The following PLXNC1 variants were observed in gnomAD, a reference collection of about 807,000 sequenced individuals.
PLXNC1 encodes the protein plexin-C1.
A neutral mutation model predicts 178.2 loss-of-function variants in PLXNC1; 75 were observed. The ratio of observed to expected loss-of-function variants is 0.42; its 90% CI spans 0.35 to 0.51. PLXNC1 has a LOEUF of 0.51. PLXNC1 is among the 20% of genes least tolerant of loss of function. PLXNC1 has a pLI of 0.02. For missense variants in PLXNC1, 1,503 were observed against 1,984.4 expected (o/e 0.76, Z 4.61); for synonymous variants, 790 against 779.9 (o/e 1.01, Z -0.22).
At chr12:94,300,120 G>C (rs1031571307) in intron 27 of PLXNC1, among the ~76,000 whole-genome samples, 9 of 152,206 alleles carry the variant, frequency 5.9e-5, no homozygotes, top group African/African-American at 2.2e-4. Flanking sequence ...GTTAGTTGCT[G>C]GAGATATAGT....
chr12:94,218,316 G>A (rs1324422805), intron 5 of PLXNC1, among the ~76,000 whole-genome samples: 1 of 152,140 alleles, frequency 6.6e-6, no homozygotes, highest in African/African-American at 2.4e-5. Flanking sequence ...GAAGATAGGG[G>A]TGACCTCCGG....
intron 20 of PLXNC1, chr12:94,262,409 ACT>A (rs747766969): frequency 5.0e-6 from 4 of 807,594 alleles, no homozygotes; most frequent in Non-Finnish European, 6.0e-6. Flanking sequence ...GTGATTCTTA[ACT>A]CTGAGCTTTC....
At chr12:94,196,399 C>T (rs1182841806) in intron 4 of PLXNC1, among the ~76,000 whole-genome samples, 5 of 152,152 alleles carry the variant, frequency 3.3e-5, no homozygotes, top group Non-Finnish European at 5.9e-5. Context: ...TGCCCCCTCA[C>T]AGTCTTGCTC....
intron 4 of PLXNC1, among the ~76,000 whole-genome samples, chr12:94,190,840 G>A (rs1837696613): frequency 6.6e-6 from 1 of 152,228 alleles, no homozygotes; most frequent in Admixed American, 6.5e-5. Context: ...CTTTGCATGT[G>A]CTGTTTCCTC....
At position 94,149,976 on chromosome 12, in the gene PLXNC1, G is replaced by A. The variant is rs1960891200; in HGVS notation, c.1005G>A (p.Glu335=). The stretch of plus-strand genomic sequence containing the variant: ...CGCTCTGCCTCTTCAGAATGAGTGA[G>A]ATCCAGGCGCGCGCCAAGAGGGTCA... The part of the protein sequence containing the change: ...TTALCLFRMS[E]IQARAKRVSW... The change falls in exon 1 of 31, where the codon GAG becomes GAA. Residue 335 remains glutamate (E), a synonymous_variant. Transcript: ENST00000258526. 6.3e-7 allele frequency: 1 copy of A among 1,595,160 alleles called. No individual in the cohort carries two copies. The highest frequency in any genetic ancestry group is 1.7e-5 in the Admixed American group (1 of 57,662).
chr12:94,211,306 T>TG (rs1287896398), intron 5 of PLXNC1, among the ~76,000 whole-genome samples: 2 of 152,192 alleles, frequency 1.3e-5, no homozygotes, highest in African/African-American at 4.8e-5. Context: ...TCAAAGAAGA[T>TG]AAGAAGTTCG....
intron 4 of PLXNC1, among the ~76,000 whole-genome samples, chr12:94,202,214 G>T (rs1310338640): frequency 6.6e-6 from 1 of 152,164 alleles, no homozygotes; most frequent in Non-Finnish European, 1.5e-5. Flanking sequence ...TATTTTAAAT[G>T]ATTGTCTGTT....
intron 23 of PLXNC1, among the ~76,000 whole-genome samples, chr12:94,284,262 A>G (rs189336309): frequency 3.2e-4 from 48 of 152,270 alleles, no homozygotes; most frequent in African/African-American, 9.9e-4. Flanking sequence ...TGTTAGTCCT[A>G]TGAAGGCAAT....
chr12:94,207,327 T>G (rs573867109), intron 4 of PLXNC1, among the ~76,000 whole-genome samples: 1 of 152,154 alleles, frequency 6.6e-6, no homozygotes, highest in Non-Finnish European at 1.5e-5. Flanking sequence ...AAAGGTTCAT[T>G]TTATACTTTC....
intron 4 of PLXNC1, among the ~76,000 whole-genome samples, chr12:94,196,157 C>CTAGT (rs1962905772): frequency 6.6e-6 from 1 of 152,190 alleles, no homozygotes; most frequent in Non-Finnish European, 1.5e-5. Flanking sequence ...GTTCTGTCAT[C>CTAGT]ATGAGAGGTG....
intron 21 of PLXNC1, among the ~76,000 whole-genome samples, chr12:94,277,359 AC>A: frequency 6.6e-6 from 1 of 152,090 alleles, no homozygotes; most frequent in Admixed American, 6.6e-5. Flanking sequence ...AGTTAGGGGG[AC>A]ATCAATATTC....
intron 3 of PLXNC1, 89 bp from the exon 4 acceptor site, chr12:94,186,284 C>T: frequency 1.1e-6 from 1 of 872,872 alleles, no homozygotes; most frequent in Non-Finnish European, 1.9e-6. Flanking sequence ...GATAAATAGG[C>T]TCTTTTTGGC....
At chr12:94,262,944 G>T (rs1259725166) in intron 20 of PLXNC1, among the ~76,000 whole-genome samples, 2 of 152,192 alleles carry the variant, frequency 1.3e-5, no homozygotes, top group African/African-American at 4.8e-5. Context: ...ACACAGAAGA[G>T]CTGTGACTCT....
At chr12:94,179,168 A>G (rs1226790902) in intron 2 of PLXNC1, among the ~76,000 whole-genome samples, 1 of 152,218 alleles carries the variant, frequency 6.6e-6, no homozygotes, top group Non-Finnish European at 1.5e-5. Flanking sequence ...TAAACAGCAA[A>G]TCCCTAACTG....
rs536958341 is a variant in PLXNC1 at position 94,169,211 on chromosome 12, C to T, written c.1121C>T (p.Ser374Phe). 77 of 1,613,648 alleles carry T rather than the reference C, an allele frequency of 4.8e-5. No homozygotes were observed. The highest frequency in any genetic ancestry group is 1.6e-4 in the Middle Eastern group (1 of 6,084). ...ATCGCATCATCTACCTTGATCCATT[C>T]CGACCTGACATCCGTTTATGGCACC... The part of the protein sequence containing the change: ...QPIASSTLIH[S>F]DLTSVYGTVV... The change falls in exon 2 of 31, where the codon TCC becomes TTC. Residue 374 changes from serine to phenylalanine, a missense_variant. Coordinates refer to ENST00000258526, the MANE Select transcript of PLXNC1 (RefSeq NM_005761.3).
chr12:94,282,108 T>A, intron 22 of PLXNC1, 190 bp from the exon 23 acceptor site: 2 of 523,688 alleles, frequency 3.8e-6, no homozygotes, highest in South Asian at 4.4e-5. Flanking sequence ...GTTTGAAACA[T>A]CAGAGCCCTA....
chr12:94,261,020 A>C (rs902162088), intron 20 of PLXNC1, among the ~76,000 whole-genome samples, 180 bp downstream of exon 20: 1 of 152,226 alleles, frequency 6.6e-6, no homozygotes, highest in Middle Eastern at 3.2e-3. Flanking sequence ...TTTTGCTGCA[A>C]CTGGCCTATG....
intron 1 of PLXNC1, among the ~76,000 whole-genome samples, chr12:94,164,338 G>C (rs1265895183): frequency 3.9e-5 from 6 of 152,166 alleles, no homozygotes; most frequent in Non-Finnish European, 5.9e-5. Context: ...TAGCACCTTG[G>C]GGGTAAAACA....
At chr12:94,158,918 C>A (rs1477147889) in intron 1 of PLXNC1, among the ~76,000 whole-genome samples, 1 of 152,176 alleles carries the variant, frequency 6.6e-6, no homozygotes, top group Admixed American at 6.5e-5. Context: ...CTCCAAGGAA[C>A]TTCTAGAGCA....
Sources: allele counts gnomAD v4.1 joint callset (sites outside exome capture counted in the v4.1 genomes callset), GRCh38; gene constraint gnomAD v4.1.1; transcripts MANE v1.5; gene names NCBI Gene and HGNC (gene_info 2026-07-23, HGNC 2026-07-21).